IRAK3: variants seen among roughly 807,000 people sequenced by gnomAD.
IRAK3 encodes the protein interleukin 1 receptor associated kinase 3.
IRAK3 carries 57 observed loss-of-function variants against 56.6 expected under a neutral mutation model. The observed-to-expected ratio is 1.01, with a 90% CI of 0.81 to 1.26. The LOEUF (loss-of-function observed/expected upper bound fraction) is 1.26. IRAK3 is among the 50% of genes most tolerant of loss of function. IRAK3 has a pLI of 0.00. For synonymous variants in IRAK3, 258 were observed against 255.7 expected (o/e 1.01, Z -0.09); for missense variants, 703 against 719.0 (o/e 0.98, Z 0.25).
chr12:66,198,932 A>G (rs2052481729), intron 1 of IRAK3, among the ~76,000 whole-genome samples: 1 of 151,562 alleles, frequency 6.6e-6, no homozygotes, highest in South Asian at 2.1e-4. Context: ...CTAATTTTTA[A>G]ATTTTTTTAG....
intron 6 of IRAK3, among the ~76,000 whole-genome samples, chr12:66,225,369 T>TTG (rs948024952): frequency 1.3e-5 from 2 of 151,342 alleles, no homozygotes; most frequent in Non-Finnish European, 2.9e-5. Flanking sequence ...TCTATGTGTA[T>TTG]TGTGTGTGTG....
At chr12:66,219,228 G>C (rs1031275902) in intron 6 of IRAK3, among the ~76,000 whole-genome samples, 5 of 152,116 alleles carry the variant, frequency 3.3e-5, no homozygotes, top group Non-Finnish European at 7.3e-5. Flanking sequence ...ATATGGTTTG[G>C]TTCTGTGTCC....
rs2053004921 is a variant in IRAK3, at chr12:66,244,393, C to T, written c.888-93C>T. ...TTATTTTGACAGTGTTTCGAATTAACCAGATATGAAGAAGGTGAGTTTATA... is the reference window on the plus strand; with the variant it reads ...TTATTTTGACAGTGTTTCGAATTAATCAGATATGAAGAAGGTGAGTTTATA... On this transcript the variant is annotated intron_variant, in intron 8 of 11. Transcript: ENST00000261233. 5 of 875,526 alleles carry T rather than the reference C, an allele frequency of 5.7e-6. No homozygotes were observed. The East Asian group carries it at 9.9e-5, about 17-fold the overall frequency. The allele number at this position is 875,526 out of a possible 1,614,324, so 54.2% of individuals were successfully genotyped here. A position where few individuals can be genotyped will look rare whatever the true frequency, so the allele number is the denominator to read the frequency against.
At chr12:66,247,665 T>G (rs1476813819) in intron 11 of IRAK3, 30 bp from the exon 12 acceptor site, 1 of 1,331,738 alleles carries the variant, frequency 7.5e-7, no homozygotes, top group Non-Finnish European at 1.1e-6. Context: ...TCAAACTTAA[T>G]TTAATGTCTG....
intron 1 of IRAK3, among the ~76,000 whole-genome samples, chr12:66,192,377 G>A (rs1375635899): frequency 6.6e-6 from 1 of 152,066 alleles, no homozygotes; most frequent in Non-Finnish European, 1.5e-5. Flanking sequence ...GAAAGCAAGA[G>A]CCCAAAAGCC....
At chr12:66,196,351 A>G (rs981654771) in intron 1 of IRAK3, among the ~76,000 whole-genome samples, 2 of 152,164 alleles carry the variant, frequency 1.3e-5, no homozygotes, top group African/African-American at 4.8e-5. Flanking sequence ...AGCACTGTAA[A>G]TACAATGTCC....
At chr12:66,213,617 T>C (rs2052635029) in intron 5 of IRAK3, among the ~76,000 whole-genome samples, 1 of 152,070 alleles carries the variant, frequency 6.6e-6, no homozygotes, top group Non-Finnish European at 1.5e-5. Context: ...TAAACTACGG[T>C]AATAATGATA....
At chr12:66,211,380 A>T in intron 4 of IRAK3, 66 bp from the exon 5 acceptor site, 1 of 1,233,280 alleles carries the variant, frequency 8.1e-7, no homozygotes, top group Admixed American at 1.8e-5. Context: ...CTAATATAGA[A>T]ATTTTGGTTA....
At chr12:66,224,883 A>C (rs898987959) in intron 6 of IRAK3, among the ~76,000 whole-genome samples, 50 of 152,322 alleles carry the variant, frequency 3.3e-4, no homozygotes, top group Admixed American at 2.0e-3. Flanking sequence ...AAGTGATTTT[A>C]GAAGGTATCA....
chr12:66,199,204 G>A (rs949948474), intron 1 of IRAK3, among the ~76,000 whole-genome samples: 1 of 152,110 alleles, frequency 6.6e-6, no homozygotes. Flanking sequence ...AACAGGCCAG[G>A]GAAGAGCAAG....
At position 66,231,419 on chromosome 12, in the gene IRAK3, A is replaced by G. The variant is rs116794677; in HGVS notation, c.887+3049A>G. 4.6e-3 allele frequency among the ~76,000 whole-genome samples: 703 copies of G among 152,368 alleles called. 11 individuals carry two copies. Among genetic ancestry groups the G allele is most frequent in the African/African-American group, 0.016 (677 of 41,572 alleles). On this transcript the variant is annotated intron_variant, in intron 8 of 11. Transcript: ENST00000261233. ...CATCTTACTTCACAAATATTTATAG[A>G]ACATCTGTTGTGTGCAGAGCATTGT... is the stretch of plus-strand genomic sequence containing the variant.
intron 1 of IRAK3, among the ~76,000 whole-genome samples, chr12:66,199,867 T>C (rs962622786): frequency 6.6e-6 from 1 of 152,228 alleles, no homozygotes; most frequent in Non-Finnish European, 1.5e-5. Context: ...TATTTTTGCT[T>C]TTTAAAGGCT....
At chr12:66,237,370 ACTT>A (rs1178704277) in intron 8 of IRAK3, among the ~76,000 whole-genome samples, 2 of 152,024 alleles carry the variant, frequency 1.3e-5, no homozygotes. Context: ...CATTATTCAG[ACTT>A]CTTTTCTGTG....
At chr12:66,220,006 C>T (rs1208300637) in intron 6 of IRAK3, among the ~76,000 whole-genome samples, 1 of 152,132 alleles carries the variant, frequency 6.6e-6, no homozygotes, top group Non-Finnish European at 1.5e-5. Flanking sequence ...GTTTCCATTT[C>T]ATTTTGTTGA....
At chr12:66,233,815 T>C (rs1056973060) in intron 8 of IRAK3, among the ~76,000 whole-genome samples, 2 of 82,330 alleles carry the variant, frequency 2.4e-5, no homozygotes, top group African/African-American at 7.3e-5. Context: ...TAACATTTGA[T>C]AAAAATCTGT....
Position 66,246,352 on chromosome 12 carries a change from T to C in IRAK3, c.1314+1090T>C, listed in dbSNP as rs182136189. Among the ~76,000 whole-genome samples the C allele has an allele frequency of 1.9e-3, 291 of 152,260 alleles. 1 individual carries two copies. The highest frequency in any genetic ancestry group is 6.8e-3 in the African/African-American group (284 of 41,542). On this transcript the variant is annotated intron_variant, in intron 11 of 11. Coordinates refer to ENST00000261233, the MANE Select transcript of IRAK3 (RefSeq NM_007199.3). ...GGAAAGCCTGGAGTGGTTAAAATAA[T>C]AGAAGCTTCCATGACAGAGGGACAT... is the stretch of plus-strand genomic sequence containing the variant.
At chr12:66,244,748 A>AT (rs1306556140) in intron 9 of IRAK3, 64 bp downstream of exon 9, 2 of 1,449,308 alleles carry the variant, frequency 1.4e-6, no homozygotes, top group Non-Finnish European at 1.9e-6. Flanking sequence ...GATTCTAAGA[A>AT]TTTTTTAAAG....
At chr12:66,210,670 A>C (rs1374320558) in intron 4 of IRAK3, among the ~76,000 whole-genome samples, 1 of 152,182 alleles carries the variant, frequency 6.6e-6, no homozygotes, top group Non-Finnish European at 1.5e-5. Flanking sequence ...TCCACCTGGA[A>C]TCATTCTGAT....
At position 66,203,790 on chromosome 12, in the gene IRAK3, A is replaced by G. The variant is rs747321827; in HGVS notation, c.213A>G (p.Glu71=). The part of the protein sequence containing the change: ...YVDQGKSGTR[E]LLWSWAQKNK... ...ACCAAGGTAAAAGTGGAACAAGAGA[A>G]TTACTTTGGTCCTGGGCACAGAAAA... is the stretch of plus-strand genomic sequence containing the variant. Residue 71 remains glutamate (E), a synonymous_variant, in exon 2 of 12, where the codon GAA becomes GAG. Transcript: ENST00000261233. The G allele has an allele frequency of 2.5e-6, 4 of 1,613,788 alleles. No homozygotes were observed. The highest frequency in any genetic ancestry group is 2.5e-6 in the Non-Finnish European group (3 of 1,179,838).
Sources: allele counts gnomAD v4.1 joint callset (sites outside exome capture counted in the v4.1 genomes callset), GRCh38; gene constraint gnomAD v4.1.1; transcripts MANE v1.5; gene names NCBI Gene and HGNC (gene_info 2026-07-23, HGNC 2026-07-21).